ST6GAL2: variants seen among roughly 807,000 people sequenced by gnomAD.
ST6GAL2 encodes the protein beta-galactoside alpha-2,6-sialyltransferase 2.
A neutral mutation model predicts 37.5 loss-of-function variants in ST6GAL2; 24 were observed. That is an observed-to-expected ratio of 0.64 (90% CI 0.46 to 0.90). The LOEUF (loss-of-function observed/expected upper bound fraction) is 0.90, where lower values mean the gene tolerates loss of function less well. ST6GAL2 is among the 40% of genes least tolerant of loss of function. ST6GAL2 has a pLI of 0.00. For synonymous variants in ST6GAL2, 306 were observed against 295.1 expected (o/e 1.04, Z -0.38); for missense variants, 715 against 712.7 (o/e 1.00, Z -0.04).
chr2:106,819,260 C>G (rs1332757200), intron 5 of ST6GAL2, among the ~76,000 whole-genome samples: 1 of 151,762 alleles, frequency 6.6e-6, no homozygotes, highest in Admixed American at 6.6e-5. Flanking sequence ...GAACACCAAG[C>G]AGATTTAACT....
chr2:106,841,417 T>C (rs1252553436), intron 2 of ST6GAL2, among the ~76,000 whole-genome samples: 3 of 152,204 alleles, frequency 2.0e-5, no homozygotes, highest in African/African-American at 7.2e-5. Flanking sequence ...GTACAGGACA[T>C]GATTGTTTTA....
In ST6GAL2 at chr2:106,803,747, G is replaced by T. The variant is rs1234419780; in HGVS notation, c.*2931C>A. 3 of 151,666 alleles carry T rather than the reference G, an allele frequency of 2.0e-5. No individual in the cohort carries two copies. Among genetic ancestry groups the T allele is most frequent in the Non-Finnish European group, 4.4e-5 (3 of 68,018 alleles). 9.4% of individuals were successfully genotyped at this position (151,666 alleles called of 1,614,324 possible). A position where few individuals can be genotyped will look rare whatever the true frequency, so the allele number is the denominator to read the frequency against. The stretch of plus-strand genomic sequence containing the variant: ...TAACAGCTTCAGCTTGCACCAAGAG[G>T]ATTTTTTTTTATCAGCTTCCCTTCA... On this transcript the variant is annotated 3_prime_UTR_variant, in exon 6 of 6. Transcript: ENST00000409382.
intron 1 of ST6GAL2, among the ~76,000 whole-genome samples, chr2:106,852,804 A>G (rs2104554347): frequency 6.6e-6 from 1 of 152,264 alleles, no homozygotes; most frequent in East Asian, 1.9e-4. Flanking sequence ...TCGTGGCAGG[A>G]GTCAGGGGGC....
chr2:106,844,025 C>G lies in ST6GAL2; in HGVS notation c.-48G>C. On this transcript the variant is annotated 5_prime_UTR_variant, in exon 2 of 6. Transcript: ENST00000409382. ...CTTGTGTCTTAATGCAGATGGGTGG[C>G]AGAATGAACCTGAAAAACAGCCAGA... is the stretch of plus-strand genomic sequence containing the variant. 2 of 1,463,596 alleles carry G rather than the reference C, an allele frequency of 1.4e-6. No homozygotes were observed. Among genetic ancestry groups the G allele is most frequent in the Non-Finnish European group, 1.8e-6 (2 of 1,093,326 alleles). The allele number at this position is 1,463,596 out of a possible 1,614,324, so 90.7% of individuals were successfully genotyped here.
chr2:106,882,227 T>TA (rs1375158449), intron 1 of ST6GAL2, among the ~76,000 whole-genome samples: 1 of 152,232 alleles, frequency 6.6e-6, no homozygotes, highest in Non-Finnish European at 1.5e-5. Context: ...TGAAAACTGA[T>TA]AGTCTTAGTT....
Position 106,874,764 on chromosome 2 carries a change from G to C in ST6GAL2, c.-58+11329C>G, listed in dbSNP as rs193120364. On this transcript the variant is annotated intron_variant, in intron 1 of 5. Transcript: ENST00000409382. ...TGTATATGTCACTGTTTCCATAAGG[G>C]CAGAGACTGTGGACAAGCACATGAA... 1.2e-3 allele frequency among the ~76,000 whole-genome samples: 190 copies of C among 152,258 alleles called. 3 individuals are homozygous for C. Among genetic ancestry groups the C allele is most frequent in the East Asian group, 1.2e-3 (6 of 5,184 alleles).
rs138550170 is a variant in ST6GAL2, at chr2:106,878,500, G to T, written c.-58+7593C>A. 2.6e-5 allele frequency among the ~76,000 whole-genome samples: 4 copies of T among 152,018 alleles called. No individual in the cohort carries two copies. In the East Asian group the frequency reaches 7.8e-4, roughly 30 times the overall value. Reference sequence around the variant, plus strand: ...GACCAGGCTGAGCGTGGTGGCATGTGCCTGTAATCCCAACATTTTTGGAGG... The same window carrying T: ...GACCAGGCTGAGCGTGGTGGCATGTTCCTGTAATCCCAACATTTTTGGAGG... On this transcript the variant is annotated intron_variant, in intron 1 of 5. Coordinates refer to ENST00000409382, the MANE Select transcript of ST6GAL2 (RefSeq NM_001142351.2).
At chr2:106,832,497 C>T in intron 4 of ST6GAL2, 68 bp downstream of exon 4, 1 of 806,550 alleles carries the variant, frequency 1.2e-6, no homozygotes. Flanking sequence ...CCTTGCCTTG[C>T]TCTTATGATT....
rs892659571 is a variant in ST6GAL2, at chr2:106,803,846, A to G, written c.*2832T>C. ...AGTGAGCTGCCACTTACTGTTAACTACTCCACAGAAGAACTATATGTTTAT... is the reference window on the plus strand; with the variant it reads ...AGTGAGCTGCCACTTACTGTTAACTGCTCCACAGAAGAACTATATGTTTAT... On this transcript the variant is annotated 3_prime_UTR_variant, in exon 6 of 6. Transcript: ENST00000409382. The G allele has an allele frequency of 2.0e-5, 3 of 151,968 alleles. No homozygotes were observed. The highest frequency in any genetic ancestry group is 4.4e-5 in the Non-Finnish European group (3 of 68,026). 9.4% of individuals were successfully genotyped at this position (151,968 alleles called of 1,614,324 possible). A position where few individuals can be genotyped will look rare whatever the true frequency, so the allele number is the denominator to read the frequency against.
chr2:106,851,327 A>C (rs1677350864), intron 1 of ST6GAL2, among the ~76,000 whole-genome samples: 1 of 152,204 alleles, frequency 6.6e-6, no homozygotes. Flanking sequence ...CAGTGCCCAC[A>C]TCTTAAATAC....
intron 5 of ST6GAL2, chr2:106,825,145 C>T (rs1676154721): frequency 6.6e-6 from 1 of 152,248 alleles, no homozygotes; most frequent in South Asian, 2.1e-4. Flanking sequence ...ATAGTTTCCT[C>T]CCATAACAAT....
chr2:106,835,212 C>T (rs1001213042), intron 2 of ST6GAL2, among the ~76,000 whole-genome samples: 4 of 152,158 alleles, frequency 2.6e-5, no homozygotes, highest in South Asian at 2.1e-4. Context: ...ATTCCAAGCT[C>T]GGCCTGGAGC....
In ST6GAL2 at chr2:106,882,863, C is replaced by T. The variant is rs192738172; in HGVS notation, c.-58+3230G>A. On this transcript the variant is annotated intron_variant, in intron 1 of 5. Transcript: ENST00000409382. ...CAGAGGGCAGCAGAAGCCAGGATGGCACAGAACAGTTCCGTCCAGATAGAA... is the reference window on the plus strand; with the variant it reads ...CAGAGGGCAGCAGAAGCCAGGATGGTACAGAACAGTTCCGTCCAGATAGAA... 2.6e-5 allele frequency among the ~76,000 whole-genome samples: 4 copies of T among 152,368 alleles called. No individual in the cohort carries two copies. In the East Asian group the frequency reaches 7.7e-4, roughly 29 times the overall value.
intron 2 of ST6GAL2, 92 bp downstream of exon 2, chr2:106,842,942 CG>C (rs1296020780): frequency 1.0e-6 from 1 of 956,294 alleles, no homozygotes; most frequent in African/African-American, 1.7e-5. Context: ...CAGCTTGCCC[CG>C]TCAGAGATCC....
chr2:106,822,689 G>A (rs1390880097), intron 5 of ST6GAL2, among the ~76,000 whole-genome samples: 1 of 152,054 alleles, frequency 6.6e-6, no homozygotes, highest in Non-Finnish European at 1.5e-5. Flanking sequence ...TCAATAGAAT[G>A]ACCCAGAGTA....
chr2:106,851,670 C>CT (rs5833214), intron 1 of ST6GAL2, among the ~76,000 whole-genome samples: 1,819 of 135,826 alleles, frequency 0.013, 18 homozygotes, highest in Middle Eastern at 0.022. Flanking sequence ...GTTTTTCTTT[C>CT]TTTTTTTTTT....
Position 106,843,751 on chromosome 2 carries a change from G to A in ST6GAL2, c.227C>T (p.Ala76Val), listed in dbSNP as rs911438308. The change falls in exon 2 of 6, where the codon GCA (alanine) becomes GTA (valine). Residue 76 changes from alanine (A) to valine (V), a missense_variant. Ala to Val is a moderately conservative substitution (Grantham distance 64). This residue lies in a region of ST6GAL2 where 512 missense variants were observed against 488.8 expected (regional missense o/e 1.05). Transcript: ENST00000409382. ...HEPSPPGGLD[A>V]RQALPRAHPA... Reference sequence around the variant, plus strand: ...GTGGGCGCGGGGCAGCGCCTGGCGTGCGTCCAGGCCCCCAGGCGGGGAGGG... The same window carrying A: ...GTGGGCGCGGGGCAGCGCCTGGCGTACGTCCAGGCCCCCAGGCGGGGAGGG... 2.5e-6 allele frequency: 4 copies of A among 1,611,278 alleles called. No individual in the cohort carries two copies. Among genetic ancestry groups the A allele is most frequent in the Admixed American group, 1.7e-5 (1 of 59,840 alleles).
intron 2 of ST6GAL2, among the ~76,000 whole-genome samples, chr2:106,840,438 C>G (rs1388147755): frequency 2.0e-5 from 3 of 152,178 alleles, no homozygotes; most frequent in African/African-American, 7.2e-5. Flanking sequence ...GAGATACCAA[C>G]TTATACAAAT....
chr2:106,840,485 G>A lies in ST6GAL2; in HGVS notation c.943+2550C>T, dbSNP rs376471489. The stretch of plus-strand genomic sequence containing the variant: ...TTTATACAAATTGAGCCATGCTATG[G>A]TTACATGTTCTTAAAATAGTAGATA... On this transcript the variant is annotated intron_variant, in intron 2 of 5. Coordinates refer to ENST00000409382, the MANE Select transcript of ST6GAL2 (RefSeq NM_001142351.2). 8.5e-5 allele frequency among the ~76,000 whole-genome samples: 13 copies of A among 152,234 alleles called. No individual in the cohort carries two copies. In the South Asian group the frequency reaches 1.7e-3, roughly 19 times the overall value.
Sources: gnomAD v4.1 joint callset for allele counts (sites outside exome capture counted in the v4.1 genomes callset) on GRCh38, gnomAD v4.1.1 for gene constraint, gnomAD v4.1.1 regional missense constraint, MANE v1.5 for transcripts, NCBI Gene and HGNC (gene_info 2026-07-23, HGNC 2026-07-21) for gene names.